Variants in SRSF11 observed in about 807,000 individuals in gnomAD.
SRSF11 encodes the protein serine and arginine rich splicing factor 11.
In SRSF11, 9 loss-of-function variants were observed where a neutral mutation model predicts 56.0. The ratio of observed to expected loss-of-function variants is 0.16; its 90% confidence interval spans 0.10 to 0.28. SRSF11 has a LOEUF of 0.28. SRSF11 is among the 10% of genes least tolerant of loss of function. The pLI is 1.00. For synonymous variants in SRSF11, 222 were observed against 215.3 expected (o/e 1.03, Z -0.27); for missense variants, 421 against 600.7 (o/e 0.70, Z 3.13).
intron 7 of SRSF11, among the ~76,000 whole-genome samples, chr1:70,242,152 C>T (rs370059181): frequency 7.2e-5 from 10 of 139,112 alleles, no homozygotes; most frequent in Admixed American, 5.3e-4. Context: ...TTGGTGACAG[C>T]GAGACTCCGT....
chr1:70,234,895 AT>A (rs951259671), intron 4 of SRSF11, 107 bp downstream of exon 4: 14 of 889,598 alleles, frequency 1.6e-5, no homozygotes, highest in South Asian at 1.9e-5. Context: ...TGTTGTAGTA[AT>A]TTTTTTTCTT....
intron 1 of SRSF11, 114 bp from the exon 2 acceptor site, chr1:70,228,308 T>G: frequency 1.4e-6 from 1 of 691,102 alleles, no homozygotes; most frequent in Non-Finnish European, 2.4e-6. Flanking sequence ...ACTACATTAG[T>G]ATACAGTTAG....
chr1:70,249,700 G>A (rs1043585880), intron 9 of SRSF11: 2 of 367,522 alleles, frequency 5.4e-6, no homozygotes, highest in African/African-American at 4.2e-5. Flanking sequence ...TGGGACTACA[G>A]GCATGCACCA....
chr1:70,226,026 G>A (rs1380836250), intron 1 of SRSF11, among the ~76,000 whole-genome samples: 1 of 151,886 alleles, frequency 6.6e-6, no homozygotes, highest in Non-Finnish European at 1.5e-5. Flanking sequence ...CCCCATCTCT[G>A]CTAAAAATAG....
At chr1:70,222,147 C>T (rs988321348) in intron 1 of SRSF11, among the ~76,000 whole-genome samples, 2 of 151,984 alleles carry the variant, frequency 1.3e-5, no homozygotes, top group Admixed American at 6.6e-5. Context: ...GCAGTCTGTA[C>T]GTCGTATATA....
chr1:70,220,243 G>A (rs984266925), upstream of SRSF11, among the ~76,000 whole-genome samples: 1 of 152,204 alleles, frequency 6.6e-6, no homozygotes, highest in Admixed American at 6.5e-5. Context: ...GGGAAGGAAT[G>A]CTCTACAGAA....
At chr1:70,230,531 T>G (rs1672646793) in intron 2 of SRSF11, 1 of 1,259,910 alleles carries the variant, frequency 7.9e-7, no homozygotes, top group Non-Finnish European at 1.0e-6. Context: ...TGTTTCTTTT[T>G]CTTTCATTTC....
intron 8 of SRSF11, among the ~76,000 whole-genome samples, chr1:70,245,553 A>G (rs1412867): frequency 0.24 from 36,754 of 152,120 alleles, 5,402 homozygotes; most frequent in African/African-American, 0.39. Context: ...TACTAGGAGA[A>G]GAGTGATGGA....
At chr1:70,248,867 A>G (rs529561800) in intron 9 of SRSF11, 7 of 152,348 alleles carry the variant, frequency 4.6e-5, no homozygotes, top group African/African-American at 7.2e-5. Flanking sequence ...TTTCAGTTAC[A>G]TAAGACAGTA....
chr1:70,217,329 T>C (rs1670101910), upstream of SRSF11, among the ~76,000 whole-genome samples: 1 of 152,158 alleles, frequency 6.6e-6, no homozygotes, highest in Non-Finnish European at 1.5e-5. Flanking sequence ...CGGCTAATTT[T>C]GTATTTTTAG....
intron 1 of SRSF11, among the ~76,000 whole-genome samples, chr1:70,224,068 G>A (rs1671224551): frequency 6.6e-6 from 1 of 152,102 alleles, no homozygotes; most frequent in Non-Finnish European, 1.5e-5. Flanking sequence ...TATTTACATT[G>A]TATTAGGTAT....
rs753875941 is a variant in SRSF11, at chr1:70,237,568, G to T, written c.718+16G>T. The T allele has an allele frequency of 3.1e-6, 5 of 1,607,346 alleles. No individual in the cohort carries two copies. Among genetic ancestry groups the T allele is most frequent in the Non-Finnish European group, 8.5e-7 (1 of 1,178,200 alleles). On this transcript the variant is annotated intron_variant, in intron 6 of 11. Transcript: ENST00000370949. ...ATAGAACCAGGTAAACAATGTTTATGCAATTTTGTTGTGTGATTCTTAGCA... is the reference window on the plus strand; with the variant it reads ...ATAGAACCAGGTAAACAATGTTTATTCAATTTTGTTGTGTGATTCTTAGCA...
intron 1 of SRSF11, among the ~76,000 whole-genome samples, chr1:70,215,884 G>T (rs1669957013): frequency 6.6e-6 from 1 of 152,182 alleles, no homozygotes; most frequent in African/African-American, 2.4e-5. Context: ...CCAGGTTCAA[G>T]CAATTCTTCC....
chr1:70,247,726 T>C (rs925600984), intron 9 of SRSF11, among the ~76,000 whole-genome samples: 1 of 152,060 alleles, frequency 6.6e-6, no homozygotes, highest in African/African-American at 2.4e-5. Context: ...GTTAAAACAT[T>C]TGTATTTCAA....
chr1:70,207,748 C>T (rs757217411), intron 1 of SRSF11, among the ~76,000 whole-genome samples: 26 of 148,420 alleles, frequency 1.8e-4, no homozygotes, highest in Non-Finnish European at 3.9e-4. Context: ...TTTTAAGAGA[C>T]CAGGTCTCAC....
intron 1 of SRSF11, 69 bp from the exon 2 acceptor site, chr1:70,228,353 G>T (rs987578975): frequency 4.2e-6 from 5 of 1,201,098 alleles, no homozygotes; most frequent in Non-Finnish European, 6.0e-6. Context: ...GAAATGTGTT[G>T]GTTTGTGAAT....
intron 8 of SRSF11, 61 bp from the exon 9 acceptor site, chr1:70,246,757 C>T: frequency 1.0e-6 from 1 of 1,004,648 alleles, no homozygotes. Context: ...GTTTGTAGTG[C>T]TATATAAATT....
intron 2 of SRSF11, chr1:70,229,538 A>T: frequency 1.0e-5 from 10 of 985,136 alleles, no homozygotes; most frequent in Non-Finnish European, 1.2e-5. Context: ...TTTGGTAACT[A>T]TAAATTTTAC....
intron 1 of SRSF11, among the ~76,000 whole-genome samples, chr1:70,213,984 AC>A (rs1669789102): frequency 2.0e-5 from 3 of 152,204 alleles, no homozygotes; most frequent in Non-Finnish European, 4.4e-5. Flanking sequence ...GTACACTTTC[AC>A]TTTTTTTCCA....
Sources: allele counts gnomAD v4.1 joint callset (sites outside exome capture counted in the v4.1 genomes callset), GRCh38; gene constraint gnomAD v4.1.1; transcripts MANE v1.5; gene names NCBI Gene and HGNC (gene_info 2026-07-23, HGNC 2026-07-21).